The following NOL4 variants were observed in gnomAD, a reference collection of about 807,000 sequenced individuals.
NOL4 encodes cancer/testis antigen 125.
NOL4 carries 17 observed loss-of-function variants against 75.9 expected under a neutral mutation model. The observed-to-expected ratio is 0.22, with a 90% CI of 0.15 to 0.34. NOL4 has a LOEUF of 0.34. Ranked by LOEUF, NOL4 falls within the 10% of genes least tolerant of loss-of-function variation. NOL4 has a pLI of 1.00. For synonymous variants in NOL4, 292 were observed against 289.9 expected (o/e 1.01, Z -0.07); for missense variants, 614 against 793.5 (o/e 0.77, Z 2.72).
chr18:33,894,138 T>C (rs57987135), intron 9 of NOL4, among the ~76,000 whole-genome samples: 5,222 of 152,214 alleles, frequency 0.034, 183 homozygotes, highest in African/African-American at 0.09. Context: ...GCTTCTCTTC[T>C]TGCATTTGAT....
Position 34,040,554 on chromosome 18 carries a change from C to T in NOL4, c.773-20953G>A, listed in dbSNP as rs776853085. ...TTGAACTTTGAAATAAAACAACATGCGAGGTGGAGGTTCTTAGCCCATTAG... is the reference window on the plus strand; with the variant it reads ...TTGAACTTTGAAATAAAACAACATGTGAGGTGGAGGTTCTTAGCCCATTAG... On this transcript the variant is annotated intron_variant, in intron 5 of 10. Coordinates refer to ENST00000261592, the MANE Select transcript of NOL4 (RefSeq NM_003787.5). Among the ~76,000 whole-genome samples the T allele has an allele frequency of 4.6e-5, 7 of 151,714 alleles. No individual in the cohort carries two copies. The South Asian group carries it at 1.0e-3, about 23-fold the overall frequency.
intron 5 of NOL4, among the ~76,000 whole-genome samples, chr18:34,026,403 C>G (rs1346242781): frequency 6.6e-6 from 1 of 152,170 alleles, no homozygotes; most frequent in Non-Finnish European, 1.5e-5. Context: ...TGTAGGAGCT[C>G]TGGGCTTGAG....
At chr18:34,138,184 G>A (rs1290964843) in intron 1 of NOL4, among the ~76,000 whole-genome samples, 1 of 152,108 alleles carries the variant, frequency 6.6e-6, no homozygotes, top group Non-Finnish European at 1.5e-5. Flanking sequence ...GGCTGCAGAA[G>A]GTGGATCTCT....
intron 5 of NOL4, among the ~76,000 whole-genome samples, chr18:34,091,698 T>C (rs950522406): frequency 6.6e-6 from 1 of 152,176 alleles, no homozygotes; most frequent in African/African-American, 2.4e-5. Flanking sequence ...TATGTTTGTA[T>C]GTAGATTCTA....
intron 6 of NOL4, among the ~76,000 whole-genome samples, chr18:33,984,472 G>C (rs1190241753): frequency 6.6e-6 from 1 of 152,044 alleles, no homozygotes; most frequent in Non-Finnish European, 1.5e-5. Flanking sequence ...GGGGCCTGGT[G>C]GGAGGTGACT....
intron 10 of NOL4, among the ~76,000 whole-genome samples, chr18:33,878,700 A>G (rs80296117): frequency 0.022 from 3,301 of 152,172 alleles, 59 homozygotes; most frequent in Middle Eastern, 0.051. Flanking sequence ...CAAGTTGGCC[A>G]TGGTTTCCAA....
chr18:33,882,036 C>A (rs568373687), intron 10 of NOL4, among the ~76,000 whole-genome samples: 3 of 152,272 alleles, frequency 2.0e-5, no homozygotes, highest in Admixed American at 1.3e-4. Context: ...CTTCCTTACA[C>A]CTTACACAAA....
intron 1 of NOL4, among the ~76,000 whole-genome samples, chr18:34,174,334 G>T (rs2033335312): frequency 6.6e-6 from 1 of 152,046 alleles, no homozygotes; most frequent in Non-Finnish European, 1.5e-5. Flanking sequence ...GGCAAACACT[G>T]TCAAAATCAA....
intron 6 of NOL4, among the ~76,000 whole-genome samples, chr18:33,961,629 T>G (rs2070134802): frequency 6.6e-6 from 1 of 152,058 alleles, no homozygotes; most frequent in Non-Finnish European, 1.5e-5. Context: ...TGAGTAGTAA[T>G]TATATTATTC....
chr18:34,107,386 T>C (rs2079343696), intron 2 of NOL4, among the ~76,000 whole-genome samples: 1 of 152,300 alleles, frequency 6.6e-6, no homozygotes, highest in Admixed American at 6.5e-5. Flanking sequence ...AAATATTTTA[T>C]CATATTATTC....
chr18:33,974,671 A>G (rs752414738), intron 6 of NOL4, among the ~76,000 whole-genome samples: 1 of 152,190 alleles, frequency 6.6e-6, no homozygotes, highest in Non-Finnish European at 1.5e-5. Context: ...CCAAAATGCA[A>G]CACAGAGACA....
chr18:33,854,578 A>G (rs2062758431), intron 10 of NOL4, among the ~76,000 whole-genome samples: 1 of 152,010 alleles, frequency 6.6e-6, no homozygotes, highest in East Asian at 1.9e-4. Flanking sequence ...TGAGTGGATT[A>G]AAAAGGCATT....
chr18:34,088,166 T>C (rs1568325516), intron 5 of NOL4, among the ~76,000 whole-genome samples: 2 of 151,990 alleles, frequency 1.3e-5, no homozygotes, highest in Admixed American at 6.6e-5. Flanking sequence ...GTGATTAAAA[T>C]GGTTCTTAGA....
intron 6 of NOL4, among the ~76,000 whole-genome samples, chr18:33,988,290 A>T (rs1030520598): frequency 5.9e-5 from 9 of 152,076 alleles, no homozygotes. Flanking sequence ...AGAGGCTATC[A>T]CTAGACCTCC....
At chr18:34,066,579 G>C (rs1259802949) in intron 5 of NOL4, among the ~76,000 whole-genome samples, 1 of 151,648 alleles carries the variant, frequency 6.6e-6, no homozygotes, top group East Asian at 1.9e-4. Context: ...GTGGCTAGTA[G>C]AAAGCTTGCA....
intron 1 of NOL4, among the ~76,000 whole-genome samples, chr18:34,203,751 A>ACACACACACACACC (rs1600869101): frequency 7.4e-6 from 1 of 134,232 alleles, no homozygotes; most frequent in Admixed American, 7.4e-5. Context: ...ACACACACAC[A>ACACACACACACACC]CGGCCCTTTC....
intron 9 of NOL4, among the ~76,000 whole-genome samples, chr18:33,924,681 A>C (rs1052339502): frequency 6.6e-6 from 1 of 152,232 alleles, no homozygotes; most frequent in Non-Finnish European, 1.5e-5. Flanking sequence ...AAAATTGTCG[A>C]GTCAAACAAT....
intron 10 of NOL4, among the ~76,000 whole-genome samples, chr18:33,855,241 C>G (rs947280072): frequency 3.9e-5 from 6 of 152,068 alleles, no homozygotes; most frequent in Non-Finnish European, 7.4e-5. Context: ...CACTAGGGAC[C>G]AAATGGCCCT....
chr18:33,914,914 TATCA>T (rs1339553956), intron 9 of NOL4, among the ~76,000 whole-genome samples: 1 of 152,072 alleles, frequency 6.6e-6, no homozygotes, highest in Non-Finnish European at 1.5e-5. Context: ...TGGCTGGGCA[TATCA>T]ATTTGTGAGT....
Sources: gnomAD v4.1 joint callset for allele counts (sites outside exome capture counted in the v4.1 genomes callset) on GRCh38, gnomAD v4.1.1 for gene constraint, MANE v1.5 for transcripts, NCBI Gene and HGNC (gene_info 2026-07-23, HGNC 2026-07-21) for gene names.